MRTFA: variants seen among roughly 807,000 people sequenced by gnomAD.
The protein encoded by MRTFA is myocardin-related transcription factor A.
Under a neutral mutation model 83.5 loss-of-function variants are expected in MRTFA, and 20 were observed. The observed-to-expected ratio is 0.24, with a 90% CI of 0.17 to 0.35. The LOEUF is 0.35. Ranked by LOEUF, MRTFA falls within the 10% of genes least tolerant of loss-of-function variation. The pLI is 1.00. For synonymous variants in MRTFA, 659 were observed against 541.2 expected (o/e 1.22, Z -3.02); for missense variants, 1,200 against 1,224.7 (o/e 0.98, Z 0.30).
chr22:40,629,371 G>C (rs972305047), intron 1 of MRTFA, among the ~76,000 whole-genome samples: 7 of 150,408 alleles, frequency 4.7e-5, no homozygotes, highest in Non-Finnish European at 8.9e-5. Context: ...GCTTGAACCC[G>C]GGAGACGGAG....
intron 3 of MRTFA, among the ~76,000 whole-genome samples, chr22:40,504,023 T>C (rs370283410): frequency 1.3e-5 from 2 of 152,208 alleles, no homozygotes; most frequent in Non-Finnish European, 2.9e-5. Context: ...ATAAAATTAA[T>C]TTCACAGCTT....
chr22:40,536,322 C>A (rs376369381), intron 3 of MRTFA, among the ~76,000 whole-genome samples: 1 of 150,578 alleles, frequency 6.6e-6, no homozygotes, highest in African/African-American at 2.4e-5. Flanking sequence ...ATAAATGGGC[C>A]GAAGCCGCCG....
In MRTFA at chr22:40,484,133, A is replaced by G. The variant is rs17001975; in HGVS notation, c.242-20847T>C. Reference sequence around the variant, plus strand: ...TAGACAAACAATCTGAAGCTTATTCAAATGTTTATGTATCAAGTTTTCTAT... The same window carrying G: ...TAGACAAACAATCTGAAGCTTATTCGAATGTTTATGTATCAAGTTTTCTAT... On this transcript the variant is annotated intron_variant, in intron 3 of 14. Transcript: ENST00000355630. Among the ~76,000 whole-genome samples, 1,045 of 152,056 alleles carry G rather than the reference A, an allele frequency of 6.9e-3. 13 individuals carry two copies. Among genetic ancestry groups the G allele is most frequent in the African/African-American group, 0.024 (1,003 of 41,456 alleles).
chr22:40,443,716 G>C (rs2053323917), intron 4 of MRTFA, among the ~76,000 whole-genome samples: 1 of 152,178 alleles, frequency 6.6e-6, no homozygotes, highest in African/African-American at 2.4e-5. Flanking sequence ...TAGGAATCTA[G>C]ACTTCCATCC....
At chr22:40,620,159 CTTG>C (rs886501378) in intron 1 of MRTFA, among the ~76,000 whole-genome samples, 17 of 145,482 alleles carry the variant, frequency 1.2e-4, no homozygotes, top group Admixed American at 2.1e-4. Context: ...GAGTTTTGCT[CTTG>C]TTGTCCATGC....
At chr22:40,563,917 G>A (rs950942389) in intron 2 of MRTFA, among the ~76,000 whole-genome samples, 2 of 152,156 alleles carry the variant, frequency 1.3e-5, no homozygotes, top group African/African-American at 2.4e-5. Flanking sequence ...AGAAATATGC[G>A]GTTGTGGGGG....
chr22:40,628,402 C>T (rs1279887369), intron 1 of MRTFA, among the ~76,000 whole-genome samples: 2 of 152,094 alleles, frequency 1.3e-5, no homozygotes, highest in Non-Finnish European at 2.9e-5. Flanking sequence ...AATTTTAATA[C>T]AAGAACAATT....
chr22:40,479,337 A>T (rs1468845395), intron 3 of MRTFA, among the ~76,000 whole-genome samples: 3 of 152,044 alleles, frequency 2.0e-5, no homozygotes, highest in Non-Finnish European at 4.4e-5. Context: ...ATCACACCTG[A>T]TCAAATCAAT....
chr22:40,521,814 G>A (rs1245137947), intron 3 of MRTFA: 1 of 151,508 alleles, frequency 6.6e-6, no homozygotes, highest in Non-Finnish European at 1.5e-5. Context: ...GAATTTTTGG[G>A]ATGGTACAAG....
At chr22:40,461,539 C>A (rs954205675) in intron 4 of MRTFA, among the ~76,000 whole-genome samples, 2 of 150,074 alleles carry the variant, frequency 1.3e-5, no homozygotes, top group Non-Finnish European at 3.0e-5. Flanking sequence ...AATCCCAGCA[C>A]TTTGGGAGGC....
chr22:40,585,615 T>C (rs2056016603), intron 2 of MRTFA, among the ~76,000 whole-genome samples: 1 of 152,160 alleles, frequency 6.6e-6, no homozygotes, highest in Non-Finnish European at 1.5e-5. Context: ...AAGAAAGTAA[T>C]AGTGAAGACA....
At chr22:40,493,501 T>C (rs1225679326) in intron 3 of MRTFA, among the ~76,000 whole-genome samples, 2 of 152,194 alleles carry the variant, frequency 1.3e-5, no homozygotes, top group Non-Finnish European at 2.9e-5. Context: ...TCCCTTGCAC[T>C]GTAAACTGCT....
At chr22:40,463,961 T>C (rs1419294278) in intron 3 of MRTFA, among the ~76,000 whole-genome samples, 1 of 152,102 alleles carries the variant, frequency 6.6e-6, no homozygotes, top group Non-Finnish European at 1.5e-5. Flanking sequence ...ACTCTGGCAA[T>C]ACTGCTTAAT....
At chr22:40,608,216 T>G (rs956996129) in intron 1 of MRTFA, among the ~76,000 whole-genome samples, 1 of 152,256 alleles carries the variant, frequency 6.6e-6, no homozygotes, top group South Asian at 2.1e-4. Flanking sequence ...TGTTTCACCA[T>G]GTTGGCCAGG....
chr22:40,485,871 G>A (rs1173308408), intron 3 of MRTFA, among the ~76,000 whole-genome samples: 4 of 152,182 alleles, frequency 2.6e-5, no homozygotes, highest in South Asian at 4.1e-4. Context: ...AGAGATTAAC[G>A]TAGTCCTAAG....
At chr22:40,487,837 T>G (rs2054198149) in intron 3 of MRTFA, among the ~76,000 whole-genome samples, 1 of 152,182 alleles carries the variant, frequency 6.6e-6, no homozygotes, top group Non-Finnish European at 1.5e-5. Context: ...ATTTTGCTTA[T>G]GGATATGATA....
chr22:40,619,139 T>C (rs1386167899), intron 1 of MRTFA, among the ~76,000 whole-genome samples: 1 of 152,048 alleles, frequency 6.6e-6, no homozygotes, highest in Admixed American at 6.6e-5. Context: ...ATTTTGTAGA[T>C]GTAACTAACA....
intron 4 of MRTFA, among the ~76,000 whole-genome samples, chr22:40,458,976 G>A (rs1257503210): frequency 1.3e-5 from 2 of 151,786 alleles, no homozygotes; most frequent in African/African-American, 4.8e-5. Context: ...CGGGAAGGCT[G>A]AGGCGAGATA....
chr22:40,636,317 G>A (rs1366832982), intron 1 of MRTFA, among the ~76,000 whole-genome samples, 161 bp downstream of exon 1: 2 of 152,134 alleles, frequency 1.3e-5, no homozygotes, highest in African/African-American at 2.4e-5. Flanking sequence ...CCGGCCCCGA[G>A]GGCAGGGGCA....
Sources: allele counts gnomAD v4.1 joint callset (sites outside exome capture counted in the v4.1 genomes callset), GRCh38; gene constraint gnomAD v4.1.1; transcripts MANE v1.5; gene names NCBI Gene and HGNC (gene_info 2026-07-23, HGNC 2026-07-21).